The following KCNIP4 variants were observed in gnomAD, a reference collection of about 807,000 sequenced individuals.
The protein encoded by KCNIP4 is Kv channel-interacting protein 4.
A neutral mutation model predicts 34.0 loss-of-function variants in KCNIP4; 12 were observed. That is an observed-to-expected ratio of 0.35 (90% confidence interval 0.23 to 0.57). KCNIP4 has a LOEUF of 0.57. KCNIP4 is among the 20% of genes least tolerant of loss of function. KCNIP4 has a pLI of 0.83. For missense variants in KCNIP4, 238 were observed against 311.7 expected (o/e 0.76, Z 1.78); for synonymous variants, 124 against 102.2 (o/e 1.21, Z -1.29).
At chr4:20,964,909 T>C (rs903974868) in intron 1 of KCNIP4, among the ~76,000 whole-genome samples, 3 of 152,106 alleles carry the variant, frequency 2.0e-5, no homozygotes, top group African/African-American at 7.2e-5. Flanking sequence ...ATTTTTTCAA[T>C]TAGGAGGCAC....
At chr4:20,900,341 A>G (rs910238978) in intron 1 of KCNIP4, among the ~76,000 whole-genome samples, 1 of 152,228 alleles carries the variant, frequency 6.6e-6, no homozygotes, top group Non-Finnish European at 1.5e-5. Context: ...GAAGTCTGAA[A>G]ACTAACGGAG....
intron 3 of KCNIP4, among the ~76,000 whole-genome samples, chr4:20,848,906 C>T (rs1004100101): frequency 6.6e-6 from 1 of 152,174 alleles, no homozygotes; most frequent in Non-Finnish European, 1.5e-5. Context: ...GATTCACCTC[C>T]TCTGAGCACT....
At chr4:20,829,943 C>T (rs926425697) in intron 3 of KCNIP4, among the ~76,000 whole-genome samples, 2 of 152,064 alleles carry the variant, frequency 1.3e-5, no homozygotes, top group Admixed American at 6.5e-5. Flanking sequence ...CTACTTACTC[C>T]ATAGCTCTCT....
chr4:20,958,885 T>C (rs1329627982), intron 1 of KCNIP4, among the ~76,000 whole-genome samples: 3 of 152,210 alleles, frequency 2.0e-5, no homozygotes, highest in Non-Finnish European at 4.4e-5. Context: ...GAGAGTAAAC[T>C]GATGGACATA....
chr4:21,246,482 A>C (rs973993880), intron 1 of KCNIP4, among the ~76,000 whole-genome samples: 12 of 152,182 alleles, frequency 7.9e-5, no homozygotes, highest in Non-Finnish European at 1.2e-4. Context: ...CTAAAAGAAA[A>C]TCTTTGAAGA....
intron 1 of KCNIP4, among the ~76,000 whole-genome samples, chr4:21,087,357 T>C (rs1056239625): frequency 6.6e-6 from 1 of 152,086 alleles, no homozygotes; most frequent in Non-Finnish European, 1.5e-5. Context: ...TTTGCATTTT[T>C]AGTACAGATG....
intron 1 of KCNIP4, among the ~76,000 whole-genome samples, chr4:21,720,003 A>AAGAAG (rs1560662461): frequency 1.7e-4 from 19 of 108,912 alleles, no homozygotes; most frequent in African/African-American, 6.9e-4. Context: ...AAGAAAAGAA[A>AAGAAG]AAGAAGAAGA....
chr4:20,749,120 T>C (rs1753082467), intron 5 of KCNIP4, among the ~76,000 whole-genome samples: 1 of 148,374 alleles, frequency 6.7e-6, no homozygotes, highest in Non-Finnish European at 1.5e-5. Flanking sequence ...ATTGTGCCAC[T>C]GCACTCCAGC....
intron 1 of KCNIP4, among the ~76,000 whole-genome samples, chr4:21,265,828 T>G (rs1761770176): frequency 6.6e-6 from 1 of 152,198 alleles, no homozygotes; most frequent in Non-Finnish European, 1.5e-5. Flanking sequence ...AATTTTTATG[T>G]TACCTGAGAC....
At chr4:20,844,776 T>A (rs945885003) in intron 3 of KCNIP4, among the ~76,000 whole-genome samples, 2 of 152,172 alleles carry the variant, frequency 1.3e-5, no homozygotes, top group African/African-American at 4.8e-5. Context: ...TCATCTGTTT[T>A]TAAAGATCTT....
At chr4:21,609,473 A>G (rs756728353) in intron 1 of KCNIP4, among the ~76,000 whole-genome samples, 2 of 152,214 alleles carry the variant, frequency 1.3e-5, no homozygotes, top group Admixed American at 6.5e-5. Flanking sequence ...CAAAACAAGG[A>G]CAGCCTGTAT....
At chr4:21,023,764 T>A (rs1160429538) in intron 1 of KCNIP4, among the ~76,000 whole-genome samples, 4 of 151,906 alleles carry the variant, frequency 2.6e-5, no homozygotes, top group Non-Finnish European at 5.9e-5. Flanking sequence ...CGCCTGTAGG[T>A]CTAGCTACTC....
At chr4:21,130,823 A>G (rs1215316940) in intron 1 of KCNIP4, among the ~76,000 whole-genome samples, 8 of 152,212 alleles carry the variant, frequency 5.3e-5, no homozygotes, top group Non-Finnish European at 1.2e-4. Context: ...TTAGACATCC[A>G]AAGAAATGTA....
At chr4:21,151,992 C>T (rs1403709272) in intron 1 of KCNIP4, among the ~76,000 whole-genome samples, 1 of 152,122 alleles carries the variant, frequency 6.6e-6, no homozygotes, top group Non-Finnish European at 1.5e-5. Flanking sequence ...GTGGCTCATG[C>T]CTATAATCCT....
At chr4:21,918,125 G>A (rs1221798771) in intron 1 of KCNIP4, among the ~76,000 whole-genome samples, 1 of 152,106 alleles carries the variant, frequency 6.6e-6, no homozygotes, top group East Asian at 1.9e-4. Flanking sequence ...TGCCCACCAA[G>A]GTGGTAGTAT....
intron 1 of KCNIP4, among the ~76,000 whole-genome samples, chr4:21,827,943 T>C (rs1314012345): frequency 1.3e-5 from 2 of 150,814 alleles, no homozygotes; most frequent in Non-Finnish European, 3.0e-5. Flanking sequence ...ATATTTCTCA[T>C]ATACAAAATT....
At chr4:20,796,029 TATA>T (rs1223433526) in intron 3 of KCNIP4, among the ~76,000 whole-genome samples, 1 of 152,198 alleles carries the variant, frequency 6.6e-6, no homozygotes, top group African/African-American at 2.4e-5. Context: ...ACAATATTGA[TATA>T]ATAATACCAC....
intron 1 of KCNIP4, among the ~76,000 whole-genome samples, chr4:21,280,795 G>T (rs992305173): frequency 3.9e-5 from 6 of 152,158 alleles, no homozygotes; most frequent in African/African-American, 1.4e-4. Flanking sequence ...TCACTACATG[G>T]TAGTACTGGG....
At chr4:21,748,612 C>A (rs533872293) in intron 1 of KCNIP4, among the ~76,000 whole-genome samples, 2 of 152,136 alleles carry the variant, frequency 1.3e-5, no homozygotes, top group Admixed American at 1.3e-4. Flanking sequence ...CGAATTTATA[C>A]CCTGTTGTGA....
Sources: allele counts gnomAD v4.1 joint callset (sites outside exome capture counted in the v4.1 genomes callset), GRCh38; gene constraint gnomAD v4.1.1; transcripts MANE v1.5; gene names NCBI Gene and HGNC (gene_info 2026-07-23, HGNC 2026-07-21).